Variants in PPP4R3A observed in about 807,000 individuals in gnomAD.
The protein encoded by PPP4R3A is protein phosphatase 4 regulatory subunit 3A, also known as serine/threonine-protein phosphatase 4 regulatory subunit 3A.
A neutral mutation model predicts 91.7 loss-of-function variants in PPP4R3A; 15 were observed. The observed-to-expected ratio is 0.16, with a 90% CI of 0.11 to 0.25. The LOEUF is 0.25. Among genes scored for constraint, PPP4R3A ranks in the 10% least tolerant of loss-of-function variants. PPP4R3A has a pLI of 1.00. For missense variants in PPP4R3A, 623 were observed against 998.4 expected (o/e 0.62, Z 5.07); for synonymous variants, 377 against 348.7 (o/e 1.08, Z -0.91).
In PPP4R3A at chr14:91,497,252, A is replaced by C. The variant is rs192126277; in HGVS notation, c.143-6450T>G. Among the ~76,000 whole-genome samples the C allele has an allele frequency of 2.6e-5, 4 of 152,200 alleles. No individual in the cohort carries two copies. In the East Asian group the frequency reaches 7.7e-4, roughly 29 times the overall value. On this transcript the variant is annotated intron_variant, in intron 1 of 14. Coordinates refer to ENST00000554943, the MANE Select transcript of PPP4R3A (RefSeq NM_001366432.2). ...AATAACTGAAGCACACACTCAAGAC[A>C]GACCCCATTCACCCCAACTCATTTG...
intron 1 of PPP4R3A, among the ~76,000 whole-genome samples, chr14:91,495,693 A>ACACACACACAC (rs1890516481): frequency 2.1e-5 from 3 of 141,234 alleles, no homozygotes; most frequent in African/African-American, 7.6e-5. Flanking sequence ...AATACTGTTA[A>ACACACACACAC]AAAAAAAACA....
At chr14:91,475,708 A>G (rs1889156774) in intron 7 of PPP4R3A, 103 bp downstream of exon 7, 1 of 1,178,268 alleles carries the variant, frequency 8.5e-7, no homozygotes, top group Admixed American at 2.4e-5. Flanking sequence ...TATTATGGCT[A>G]CACTTTTCCC....
chr14:91,466,366 TA>T (rs1202162962), intron 10 of PPP4R3A: 1 of 985,714 alleles, frequency 1.0e-6, no homozygotes, highest in Non-Finnish European at 1.2e-6. Flanking sequence ...AATTTGCTAT[TA>T]ATCAAGTCCT....
intron 3 of PPP4R3A, among the ~76,000 whole-genome samples, chr14:91,484,149 A>T (rs1889737549): frequency 6.6e-6 from 1 of 152,212 alleles, no homozygotes; most frequent in East Asian, 1.9e-4. Context: ...AGAAAAACTA[A>T]AAAGATGGAT....
intron 1 of PPP4R3A, among the ~76,000 whole-genome samples, chr14:91,501,603 C>T (rs1890960864): frequency 6.6e-6 from 1 of 151,934 alleles, no homozygotes; most frequent in African/African-American, 2.4e-5. Context: ...CTGCAGTAAG[C>T]CCTGATCACT....
At chr14:91,477,059 A>G in intron 4 of PPP4R3A, 73 bp from the exon 5 acceptor site, 1 of 1,197,580 alleles carries the variant, frequency 8.4e-7, no homozygotes, top group Non-Finnish European at 1.2e-6. Flanking sequence ...GGAATGCTTT[A>G]ATATACACAG....
At chr14:91,468,504 T>C (rs1352344764) in intron 10 of PPP4R3A, among the ~76,000 whole-genome samples, 2 of 151,842 alleles carry the variant, frequency 1.3e-5, no homozygotes, top group East Asian at 3.9e-4. Flanking sequence ...ACCCCATCTC[T>C]ACTAAAATAC....
intron 1 of PPP4R3A, among the ~76,000 whole-genome samples, chr14:91,499,723 A>T (rs1890816320): frequency 6.6e-6 from 1 of 150,926 alleles, no homozygotes; most frequent in South Asian, 2.1e-4. Flanking sequence ...CGGGAAGCTG[A>T]GGCAGGAGAA....
chr14:91,494,681 G>T (rs186230820), intron 1 of PPP4R3A, among the ~76,000 whole-genome samples: 1 of 152,216 alleles, frequency 6.6e-6, no homozygotes, highest in East Asian at 1.9e-4. Flanking sequence ...TGGCCAAAAT[G>T]GTGAAACCCC....
intron 1 of PPP4R3A, among the ~76,000 whole-genome samples, chr14:91,507,549 ATAGT>A (rs1397454443): frequency 1.1e-5 from 1 of 93,018 alleles, no homozygotes; most frequent in Non-Finnish European, 2.1e-5. Flanking sequence ...TATATTATAT[ATAGT>A]TATATATACT....
At chr14:91,493,011 AG>A (rs1408021475) in intron 1 of PPP4R3A, among the ~76,000 whole-genome samples, 1 of 152,240 alleles carries the variant, frequency 6.6e-6, no homozygotes, top group Non-Finnish European at 1.5e-5. Flanking sequence ...GGATCGCCTG[AG>A]GCCAGGAGTT....
intron 12 of PPP4R3A, 120 bp downstream of exon 12, chr14:91,462,615 C>A (rs1888229701): frequency 3.6e-6 from 4 of 1,120,678 alleles, no homozygotes; most frequent in Non-Finnish European, 5.3e-6. Flanking sequence ...GCTACAATTT[C>A]TATTTGCTAT....
intron 1 of PPP4R3A, among the ~76,000 whole-genome samples, chr14:91,501,912 T>TG (rs1482372763): frequency 7.4e-6 from 1 of 134,750 alleles, no homozygotes; most frequent in African/African-American, 2.8e-5. Flanking sequence ...TTAGTAGAGA[T>TG]GGGGTTTCAC....
At chr14:91,507,413 CTA>C (rs1566660313) in intron 1 of PPP4R3A, among the ~76,000 whole-genome samples, 9 of 95,116 alleles carry the variant, frequency 9.5e-5, no homozygotes, top group Non-Finnish European at 1.4e-4. Context: ...ATTATATATA[CTA>C]TATAATATAT....
intron 11 of PPP4R3A, 91 bp downstream of exon 11, chr14:91,465,159 A>G (rs1595050967): frequency 2.1e-6 from 2 of 961,024 alleles, no homozygotes; most frequent in Non-Finnish European, 2.9e-6. Context: ...CTCTCCAAAT[A>G]TTATCATCTC....
At chr14:91,460,698 G>A (rs1478658454) in intron 14 of PPP4R3A, among the ~76,000 whole-genome samples, 3 of 126,674 alleles carry the variant, frequency 2.4e-5, no homozygotes, top group African/African-American at 9.2e-5. Flanking sequence ...TCAGCTCACT[G>A]CAAGCTCCGC....
At chr14:91,507,385 TATAG>T (rs1891387685) in intron 1 of PPP4R3A, among the ~76,000 whole-genome samples, 2 of 55,244 alleles carry the variant, frequency 3.6e-5, no homozygotes, top group Non-Finnish European at 9.6e-5. Context: ...ATATATACTA[TATAG>T]TATATGTACT....
intron 4 of PPP4R3A, among the ~76,000 whole-genome samples, chr14:91,479,772 C>T (rs1238679740): frequency 6.6e-6 from 1 of 152,142 alleles, no homozygotes; most frequent in Non-Finnish European, 1.5e-5. Flanking sequence ...GAACTCTTGA[C>T]CTCAGGTGAT....
At chr14:91,474,305 G>C (rs929018804) in intron 7 of PPP4R3A, among the ~76,000 whole-genome samples, 1 of 152,116 alleles carries the variant, frequency 6.6e-6, no homozygotes, top group Non-Finnish European at 1.5e-5. Flanking sequence ...TATTATGACT[G>C]GTATTCCTCA....
Sources: allele counts gnomAD v4.1 joint callset (sites outside exome capture counted in the v4.1 genomes callset), GRCh38; gene constraint gnomAD v4.1.1; transcripts MANE v1.5; gene names NCBI Gene and HGNC (gene_info 2026-07-23, HGNC 2026-07-21).